Variants in LTBP1 observed in about 807,000 individuals in gnomAD.
The protein encoded by LTBP1 is latent-transforming growth factor beta-binding protein 1.
In LTBP1, 129 loss-of-function variants were observed where a neutral mutation model predicts 207.6. The ratio of observed to expected loss-of-function variants is 0.62; its 90% confidence interval spans 0.54 to 0.72. LTBP1 has a LOEUF of 0.72. Ranked by LOEUF, LTBP1 falls within the 30% of genes least tolerant of loss-of-function variation. LTBP1 has a pLI of 0.00. For missense variants in LTBP1, 2,281 were observed against 2,217.2 expected, an observed-to-expected ratio of 1.03 and a Z score of -0.58; for synonymous variants, 963 against 833.7, an observed-to-expected ratio of 1.16 and a Z score of -2.67.
chr2:33,360,727 C>T lies in LTBP1; in HGVS notation c.4131C>T (p.Gly1377=), dbSNP rs771647622. The T allele has an allele frequency of 1.2e-5, 19 of 1,613,786 alleles. No individual in the cohort carries two copies. The highest frequency in any genetic ancestry group is 9.3e-5 in the African/African-American group (7 of 74,900). Residue 1377 remains glycine (G), a synonymous_variant, in exon 27 of 34, where the codon GGC becomes GGT. Transcript: ENST00000404816. ...AACAAGAATGCTGCTGTACATCAGG[C>T]GTGGGATGGGGAGATAACTGCGAAA... ...VTKQECCCTS[G]VGWGDNCEIF...
intron 4 of LTBP1, among the ~76,000 whole-genome samples, chr2:33,127,981 T>G (rs1434419303): frequency 2.0e-5 from 3 of 152,120 alleles, no homozygotes; most frequent in Non-Finnish European, 4.4e-5. Flanking sequence ...TACTTTCCCT[T>G]AAGGGAGTTT....
intron 3 of LTBP1, among the ~76,000 whole-genome samples, chr2:33,100,476 CTT>C (rs1007676476): frequency 2.7e-4 from 40 of 145,944 alleles, no homozygotes; most frequent in Admixed American, 1.3e-3. Context: ...TGGTACCTGA[CTT>C]TTTTTTTTTC....
chr2:33,215,934 C>T (rs932276530), intron 7 of LTBP1, among the ~76,000 whole-genome samples: 10 of 151,938 alleles, frequency 6.6e-5, no homozygotes, highest in Non-Finnish European at 1.0e-4. Context: ...AGAATGGTCT[C>T]GATCTCCTGA....
intron 5 of LTBP1, among the ~76,000 whole-genome samples, chr2:33,150,740 A>T: frequency 2.6e-5 from 2 of 77,402 alleles, no homozygotes; most frequent in African/African-American, 1.1e-4. Flanking sequence ...TTTTTTTGAG[A>T]CAGAGTCTCG....
chr2:32,958,880 A>G (rs1678529741), intron 2 of LTBP1, among the ~76,000 whole-genome samples: 1 of 152,146 alleles, frequency 6.6e-6, no homozygotes, highest in African/African-American at 2.4e-5. Context: ...GCATGGCCCA[A>G]ACTTTGAGAT....
At chr2:33,164,423 G>A (rs1483243105) in intron 5 of LTBP1, among the ~76,000 whole-genome samples, 1 of 147,322 alleles carries the variant, frequency 6.8e-6, no homozygotes, top group Non-Finnish European at 1.5e-5. Context: ...CTGAAGTTTG[G>A]TTCCCATACC....
intron 18 of LTBP1, 127 bp downstream of exon 18, chr2:33,276,050 C>G: frequency 1.7e-6 from 2 of 1,190,238 alleles, no homozygotes; most frequent in Non-Finnish European, 2.2e-6. Context: ...CTTTCTGCTT[C>G]CTAGATTCAC....
intron 18 of LTBP1, 55 bp downstream of exon 18, chr2:33,275,978 GCA>G (rs2093418768): frequency 6.7e-7 from 1 of 1,502,820 alleles, no homozygotes; most frequent in East Asian, 2.4e-5. Context: ...GGGTTGGTAG[GCA>G]CCTTGCCTGG....
At chr2:33,018,164 T>A (rs1320372879) in intron 2 of LTBP1, among the ~76,000 whole-genome samples, 1 of 151,872 alleles carries the variant, frequency 6.6e-6, no homozygotes, top group East Asian at 1.9e-4. Context: ...TTTTTTTTTT[T>A]AACTTTTATG....
chr2:33,000,706 G>A (rs900990746), intron 2 of LTBP1, among the ~76,000 whole-genome samples: 1 of 134,282 alleles, frequency 7.4e-6, no homozygotes, highest in South Asian at 2.6e-4. Context: ...TGCCATTTCT[G>A]TTGAGGTTAA....
At position 33,118,883 on chromosome 2, in the gene LTBP1, G is replaced by A. The variant is rs72871213; in HGVS notation, c.1033+8132G>A. 6.1e-3 allele frequency among the ~76,000 whole-genome samples: 925 copies of A among 152,258 alleles called. 7 individuals carry two copies. The highest frequency in any genetic ancestry group is 0.021 in the African/African-American group (859 of 41,538). The stretch of plus-strand genomic sequence containing the variant: ...CTCTTTGCCCCCTGATAGGCCACAC[G>A]AAGTTTAAGATAGCTGTGAAACAGT... On this transcript the variant is annotated intron_variant, in intron 4 of 33. Transcript: ENST00000404816.
At chr2:33,192,376 T>C (rs1309077320) in intron 7 of LTBP1, among the ~76,000 whole-genome samples, 1 of 152,130 alleles carries the variant, frequency 6.6e-6, no homozygotes, top group African/African-American at 2.4e-5. Flanking sequence ...TTGCCAAATA[T>C]ATCTAACCTG....
intron 24 of LTBP1, among the ~76,000 whole-genome samples, chr2:33,325,054 G>T (rs935733249): frequency 1.3e-5 from 2 of 152,134 alleles, no homozygotes; most frequent in African/African-American, 4.8e-5. Context: ...ATATAGTGTA[G>T]TAATTCATTT....
chr2:33,096,332 G>C (rs534076909), intron 3 of LTBP1, among the ~76,000 whole-genome samples: 8 of 152,244 alleles, frequency 5.3e-5, no homozygotes, highest in African/African-American at 1.9e-4. Context: ...AATGAAAATG[G>C]AGACAATTTG....
At chr2:33,354,729 C>CACACACACACA in intron 26 of LTBP1, among the ~76,000 whole-genome samples, 1 of 127,030 alleles carries the variant, frequency 7.9e-6, no homozygotes, top group African/African-American at 3.0e-5. Context: ...CACACACACA[C>CACACACACACA]CATTGTATCT....
At chr2:33,174,689 G>T (rs1034149539) in intron 5 of LTBP1, among the ~76,000 whole-genome samples, 5 of 152,086 alleles carry the variant, frequency 3.3e-5, no homozygotes, top group African/African-American at 1.2e-4. Flanking sequence ...AAAAGAGCCC[G>T]CATCGCAAAG....
chr2:33,306,427 G>A (rs567031351), intron 22 of LTBP1, among the ~76,000 whole-genome samples: 6 of 152,044 alleles, frequency 3.9e-5, no homozygotes, highest in Admixed American at 1.3e-4. Context: ...AAAATTAGCC[G>A]GCCGTGGTGG....
At chr2:33,093,859 A>G (rs2150057428) in intron 3 of LTBP1, among the ~76,000 whole-genome samples, 1 of 152,210 alleles carries the variant, frequency 6.6e-6, no homozygotes, top group South Asian at 2.1e-4. Flanking sequence ...GGCATTCATA[A>G]GAAATCTCAT....
chr2:32,996,169 T>A (rs1199913667), intron 2 of LTBP1, among the ~76,000 whole-genome samples: 1 of 152,220 alleles, frequency 6.6e-6, no homozygotes, highest in Non-Finnish European at 1.5e-5. Context: ...GGGTGGCTTA[T>A]AAACAGCAGA....
Sources: allele counts gnomAD v4.1 joint callset (sites outside exome capture counted in the v4.1 genomes callset), GRCh38; gene constraint gnomAD v4.1.1; transcripts MANE v1.5; gene names NCBI Gene and HGNC (gene_info 2026-07-23, HGNC 2026-07-21).